The following TCF20 variants were observed in gnomAD, a reference collection of about 807,000 sequenced individuals.
TCF20 encodes SPRE-binding protein.
A neutral mutation model predicts 148.6 loss-of-function variants in TCF20; 3 were observed. The ratio of observed to expected loss-of-function variants is 0.02; its 90% confidence interval spans 0.01 to 0.05. The LOEUF (loss-of-function observed/expected upper bound fraction) is 0.05, where lower values mean the gene tolerates loss of function less well. TCF20 is among the 10% of genes least tolerant of loss of function. The probability of loss-of-function intolerance (pLI) is 1.00; values close to 1 mark genes in which losing one functional copy is unlikely to be tolerated. For synonymous variants in TCF20, 1,049 were observed against 909.5 expected, an observed-to-expected ratio of 1.15 and a Z score of -2.76; for missense variants, 2,350 against 2,429.3, an observed-to-expected ratio of 0.97 and a Z score of 0.69.
chr22:42,279,087 A>G lies in TCF20; in HGVS notation c.-37+4740T>C, dbSNP rs1411681711. ...CATGCATGGTAACCACTTCTTCACA[A>G]GTTTTGTGTCTCCCCAGCCTCCTCC... is the stretch of plus-strand genomic sequence containing the variant. On this transcript the variant is annotated intron_variant, in intron 1 of 5. Coordinates refer to the TCF20 transcript ENST00000359486. This position sits in a 1 kb window ranked among gnomAD's most constrained non-coding sequence, Gnocchi z 4.3. Among the ~76,000 whole-genome samples, 1 of 152,094 alleles carries G rather than the reference A, an allele frequency of 6.6e-6. No individual in the cohort carries two copies.
intron 1 of TCF20, among the ~76,000 whole-genome samples, chr22:42,220,809 C>T (rs1014602242): frequency 1.3e-5 from 2 of 152,194 alleles, no homozygotes; most frequent in Admixed American, 1.3e-4. Flanking sequence ...AGACCCTCCA[C>T]CAATGGCTGC....
chr22:42,205,860 C>T (rs1329657335), intron 2 of TCF20, among the ~76,000 whole-genome samples: 2 of 152,218 alleles, frequency 1.3e-5, no homozygotes, highest in Non-Finnish European at 2.9e-5. Context: ...CAACCTCCGT[C>T]TCCTAGGCTC....
intron 2 of TCF20, among the ~76,000 whole-genome samples, chr22:42,203,229 T>C (rs1938161134): frequency 6.6e-6 from 1 of 152,186 alleles, no homozygotes; most frequent in African/African-American, 2.4e-5. Context: ...GGTTTCTCCA[T>C]GTTGCCCAGG....
chr22:42,197,244 A>C (rs1408017441), intron 2 of TCF20, among the ~76,000 whole-genome samples: 4 of 152,118 alleles, frequency 2.6e-5, no homozygotes, highest in Admixed American at 2.6e-4. Context: ...GCCTCCACCA[A>C]GGAGGCTACT....
At chr22:42,319,816 A>G (rs1233145006) in intron 1 of TCF20, among the ~76,000 whole-genome samples, 1 of 152,138 alleles carries the variant, frequency 6.6e-6, no homozygotes, top group Admixed American at 6.5e-5. Flanking sequence ...GCCAGCTAGG[A>G]GTCCTGGGTT....
Position 42,213,227 on chromosome 22 carries a change from C to G in TCF20, c.2079G>C (p.Thr693=), listed in dbSNP as rs369985661. The G allele has an allele frequency of 6.2e-7, 1 of 1,614,150 alleles. No homozygotes were observed. The highest frequency in any genetic ancestry group is 8.5e-7 in the Non-Finnish European group (1 of 1,180,016). ...SGHSAAGPGF[T]SRTEPSKSPG... Reference sequence around the variant, plus strand: ...GAGATTTGCTAGGCTCAGTTCTGCTCGTAAAACCAGGGCCCGCTGCAGAGT... The same window carrying G: ...GAGATTTGCTAGGCTCAGTTCTGCTGGTAAAACCAGGGCCCGCTGCAGAGT... Residue 693 remains threonine, a synonymous_variant, in exon 2 of 6, where the codon ACG becomes ACC. Transcript: ENST00000677622.
chr22:42,309,408 G>A (rs1011720903), intron 1 of TCF20, among the ~76,000 whole-genome samples: 5 of 151,962 alleles, frequency 3.3e-5, no homozygotes, highest in East Asian at 1.9e-4. Flanking sequence ...CCCAGACCCC[G>A]CCAGGCCCCA....
intron 5 of TCF20, 94 bp from the exon 6 acceptor site, chr22:42,161,452 C>CAGG (rs1189663803): frequency 1.3e-6 from 2 of 1,567,170 alleles, no homozygotes; most frequent in Non-Finnish European, 8.8e-7. Context: ...GAGCTTTCAG[C>CAGG]AGGGAGCCTG....
At chr22:42,189,227 A>G (rs973021191) in intron 2 of TCF20, among the ~76,000 whole-genome samples, 5 of 152,238 alleles carry the variant, frequency 3.3e-5, no homozygotes, top group African/African-American at 4.8e-5. Flanking sequence ...TAAAACCGAC[A>G]GGACTTGATG....
intron 2 of TCF20, among the ~76,000 whole-genome samples, chr22:42,202,971 T>G (rs960158845): frequency 6.6e-6 from 1 of 152,178 alleles, no homozygotes. Context: ...ACTCAAGATA[T>G]TTGTTGAATT....
At chr22:42,216,733 A>G (rs1433050142) in intron 1 of TCF20, among the ~76,000 whole-genome samples, 1 of 152,234 alleles carries the variant, frequency 6.6e-6, no homozygotes, top group Non-Finnish European at 1.5e-5. Context: ...GAGGACAGCA[A>G]AAAACAGAGA....
At chr22:42,324,040 A>G (rs1045770758) in intron 1 of TCF20, among the ~76,000 whole-genome samples, 1 of 3,426 alleles carries the variant, frequency 2.9e-4, no homozygotes, top group Non-Finnish European at 8.5e-4. Context: ...GATGGAGGTT[A>G]TGGTGGTGGT....
At chr22:42,234,715 T>C (rs1344153240) in intron 1 of TCF20, among the ~76,000 whole-genome samples, 1 of 152,108 alleles carries the variant, frequency 6.6e-6, no homozygotes, top group Non-Finnish European at 1.5e-5. Flanking sequence ...AACATCAAAA[T>C]GCTAACTCCA....
intron 1 of TCF20, among the ~76,000 whole-genome samples, chr22:42,232,136 C>G (rs1317916546): frequency 2.0e-5 from 3 of 152,152 alleles, no homozygotes; most frequent in Admixed American, 6.5e-5. Flanking sequence ...CTTATTTTTA[C>G]TGTACCTTCT....
chr22:42,189,388 C>T (rs1937213493), intron 2 of TCF20, among the ~76,000 whole-genome samples: 1 of 152,160 alleles, frequency 6.6e-6, no homozygotes, highest in Admixed American at 6.5e-5. Flanking sequence ...GCTCTAAATG[C>T]TACTTTCTCC....
intron 1 of TCF20, among the ~76,000 whole-genome samples, chr22:42,226,599 G>A (rs1163022770): frequency 6.6e-6 from 1 of 152,162 alleles, no homozygotes; most frequent in Non-Finnish European, 1.5e-5. Context: ...CAGCTACTCA[G>A]GAGGCTGTGG....
intron 2 of TCF20, among the ~76,000 whole-genome samples, chr22:42,189,517 A>C (rs1407516823): frequency 6.6e-6 from 1 of 152,232 alleles, no homozygotes; most frequent in Non-Finnish European, 1.5e-5. Context: ...CCTTTTATAG[A>C]ACACAGGCTA....
At chr22:42,328,277 T>G (rs1183641181) in intron 1 of TCF20, among the ~76,000 whole-genome samples, 1 of 152,174 alleles carries the variant, frequency 6.6e-6, no homozygotes, top group Non-Finnish European at 1.5e-5. Context: ...CCCAGCTCTC[T>G]GCAACATATT....
intron 1 of TCF20, among the ~76,000 whole-genome samples, chr22:42,239,357 T>G (rs1327807547): frequency 1.3e-5 from 2 of 151,090 alleles, no homozygotes; most frequent in Admixed American, 6.6e-5. Flanking sequence ...ATGCCTGTAA[T>G]CCCAGCTACT....
Sources: allele counts gnomAD v4.1 joint callset (sites outside exome capture counted in the v4.1 genomes callset), GRCh38; gene constraint gnomAD v4.1.1; non-coding constraint Gnocchi (gnomAD v3.1); transcripts MANE v1.5; gene names NCBI Gene and HGNC (gene_info 2026-07-23, HGNC 2026-07-21).